The following TCF3 variants were observed in gnomAD, a reference collection of about 807,000 sequenced individuals.
TCF3 encodes the protein transcription factor E2-alpha.
A neutral mutation model predicts 72.3 loss-of-function variants in TCF3; 54 were observed. The observed-to-expected ratio is 0.75, with a 90% confidence interval of 0.60 to 0.94. The LOEUF (loss-of-function observed/expected upper bound fraction) is 0.94. Among genes scored for constraint, TCF3 ranks in the 40% least tolerant of loss-of-function variants. TCF3 has a pLI of 0.00. For missense variants in TCF3, 1,078 were observed against 934.4 expected (o/e 1.15, Z -2.00); for synonymous variants, 525 against 412.6 (o/e 1.27, Z -3.30).
At position 1,610,308 on chromosome 19, in the gene TCF3, G is replaced by A. The variant is rs2060894279; in HGVS notation, c.*1399C>T. On this transcript the variant is annotated 3_prime_UTR_variant, in exon 19 of 19. Transcript: ENST00000262965. Reference sequence around the variant, plus strand: ...TTGCCCTTGGACCACACAGAGGGAGGGCAGCAGGTGTGGCCCCAGGCCCAG... The same window carrying A: ...TTGCCCTTGGACCACACAGAGGGAGAGCAGCAGGTGTGGCCCCAGGCCCAG... The A allele has an allele frequency of 4.3e-6, 1 of 232,082 alleles. No individual in the cohort carries two copies. The highest frequency in any genetic ancestry group is 6.1e-5 in the East Asian group (1 of 16,408). The allele number at this position is 232,082 out of a possible 1,614,324, so 14.4% of individuals were successfully genotyped here.
chr19:1,650,379 CT>C (rs1600213259), intron 1 of TCF3, 92 bp from the exon 2 acceptor site: 10 of 975,532 alleles, frequency 1.0e-5, no homozygotes, highest in Non-Finnish European at 1.5e-5. Context: ...TAAAAGCCAC[CT>C]AAAAAACCCT....
At chr19:1,639,688 G>C (rs1208775556) in intron 3 of TCF3, among the ~76,000 whole-genome samples, 1 of 118,346 alleles carries the variant, frequency 8.4e-6, no homozygotes, top group Non-Finnish European at 1.6e-5. Context: ...TAGAAATCAA[G>C]AAAGGACCTC....
intron 3 of TCF3, among the ~76,000 whole-genome samples, chr19:1,639,292 C>T (rs2064899366): frequency 6.6e-6 from 1 of 152,202 alleles, no homozygotes; most frequent in South Asian, 2.1e-4. Flanking sequence ...GATCCACCTG[C>T]CTTGGCCTCC....
chr19:1,642,189 G>C (rs1040189857), intron 3 of TCF3, among the ~76,000 whole-genome samples: 2 of 140,548 alleles, frequency 1.4e-5, no homozygotes, highest in Non-Finnish European at 3.1e-5. Context: ...CACGCACGCA[G>C]ACACAGACGC....
chr19:1,629,642 T>A (rs1430637695), intron 5 of TCF3, among the ~76,000 whole-genome samples: 2 of 152,138 alleles, frequency 1.3e-5, no homozygotes, highest in Non-Finnish European at 2.9e-5. Flanking sequence ...GATCCAGCCT[T>A]GCCTGAAGCA....
intron 18 of TCF3, 56 bp from the exon 19 acceptor site, chr19:1,611,905 G>A: frequency 9.1e-7 from 1 of 1,103,278 alleles, no homozygotes; most frequent in Admixed American, 2.7e-5. Flanking sequence ...AGAAAGATGT[G>A]AGGTGGGAGT....
chr19:1,616,868 T>C (rs1163016876), intron 16 of TCF3, among the ~76,000 whole-genome samples: 2 of 152,128 alleles, frequency 1.3e-5, no homozygotes, highest in Non-Finnish European at 2.9e-5. Flanking sequence ...AAGAAAAGCA[T>C]TTGCCAAAGA....
chr19:1,610,123 A>G lies in TCF3; in HGVS notation c.*1584T>C, dbSNP rs2060882152. The G allele has an allele frequency of 4.3e-6, 1 of 232,266 alleles. No homozygotes were observed. The highest frequency in any genetic ancestry group is 2.2e-5 in the African/African-American group (1 of 45,252). The allele number at this position is 232,266 out of a possible 1,614,324, so 14.4% of individuals were successfully genotyped here. ...GGAAGAGCTGGTTACCCTCATGGCA[A>G]AAGACCAGAAAAGGAGACCTGGAGA... On this transcript the variant is annotated 3_prime_UTR_variant, in exon 19 of 19. Coordinates refer to ENST00000262965, the MANE Select transcript of TCF3 (RefSeq NM_003200.5).
In TCF3 at chr19:1,622,195, G is replaced by C; in HGVS notation, c.681C>G (p.Leu227=). The change falls in exon 10 of 19, where the codon CTC becomes CTG. Residue 227 remains leucine, a synonymous_variant. Transcript: ENST00000262965. The stretch of plus-strand genomic sequence containing the variant: ...AGCCCGCCTGGCCCGGGGGACTCCA[G>C]AGCTCGGCTGAGGGGTGCAGGCTGC... ...ADGSLHPSAE[L]WSPPGQAGFG... is the part of the protein sequence containing the mutation. 1 of 1,561,138 alleles carries C rather than the reference G, an allele frequency of 6.4e-7. No homozygotes were observed.
chr19:1,643,136 C>T (rs981451123), intron 3 of TCF3, among the ~76,000 whole-genome samples: 3 of 152,122 alleles, frequency 2.0e-5, no homozygotes, highest in East Asian at 1.9e-4. Flanking sequence ...AGAAGGCGTA[C>T]GAAAATTATT....
intron 18 of TCF3, among the ~76,000 whole-genome samples, chr19:1,613,183 G>A (rs372168715): frequency 7.9e-5 from 12 of 152,288 alleles, no homozygotes; most frequent in African/African-American, 2.9e-4. Flanking sequence ...GCGTGAAAAT[G>A]TGCTTCTCTG....
In TCF3 at chr19:1,612,571, G is replaced by C. The variant is rs555713833; in HGVS notation, c.1823-722C>G. 2.4e-5 allele frequency: 19 copies of C among 798,918 alleles called. No individual in the cohort carries two copies. The East Asian group carries it at 4.5e-4, about 19-fold the overall frequency. The allele number at this position is 798,918 out of a possible 1,614,324, so 49.5% of individuals were successfully genotyped here. On this transcript the variant is annotated intron_variant, in intron 18 of 18. Coordinates refer to ENST00000262965, the MANE Select transcript of TCF3 (RefSeq NM_003200.5). Reference sequence around the variant, plus strand: ...CAGTGTGGGTACACGGCTGGTGTTGGTGGGCACAGCAGTGTGGGCAGCAGT... The same window carrying C: ...CAGTGTGGGTACACGGCTGGTGTTGCTGGGCACAGCAGTGTGGGCAGCAGT...
intron 5 of TCF3, among the ~76,000 whole-genome samples, chr19:1,629,564 CGGA>C (rs1216132136): frequency 4.6e-5 from 7 of 151,802 alleles, no homozygotes; most frequent in East Asian, 3.9e-4. Flanking sequence ...GCCTGGGCTA[CGGA>C]GGAGGACAGC....
rs2060989931 is a variant in TCF3, at chr19:1,611,610, G to A, written c.*97C>T. ...CTCGATGCTGACAACAGGTGTGTGA[G>A]GTGTGGATGTGGATGAAGCCCGGGG... On this transcript the variant is annotated 3_prime_UTR_variant, in exon 19 of 19. Coordinates refer to ENST00000262965, the MANE Select transcript of TCF3 (RefSeq NM_003200.5). 3.7e-5 allele frequency: 54 copies of A among 1,476,782 alleles called. No individual in the cohort carries two copies. The highest frequency in any genetic ancestry group is 4.7e-5 in the Non-Finnish European group (52 of 1,096,856). The allele number at this position is 1,476,782 out of a possible 1,614,324, so 91.5% of individuals were successfully genotyped here.
At chr19:1,621,391 CCCTGGGTGGGTGAGTCCCCTTCTGGG>C (rs1206160706) in intron 11 of TCF3, among the ~76,000 whole-genome samples, 200 bp from the exon 12 acceptor site, 26 of 152,334 alleles carry the variant, frequency 1.7e-4, no homozygotes, top group East Asian at 3.9e-4. Flanking sequence ...TGGCAGGGGA[CCCTGGGTGGGTGAGTCCCCTTCTGGG>C]CCTGGGTGGG....
Position 1,611,569 on chromosome 19 carries a change from G to C in TCF3, c.*138C>G, listed in dbSNP as rs1004212642. ...GGCCGCCCCCATCACTCCGAACCTTGTCAGGTTGGTGTTGGCTCGATGCTG... is the reference window on the plus strand; with the variant it reads ...GGCCGCCCCCATCACTCCGAACCTTCTCAGGTTGGTGTTGGCTCGATGCTG... On this transcript the variant is annotated 3_prime_UTR_variant, in exon 19 of 19. Coordinates refer to ENST00000262965, the MANE Select transcript of TCF3 (RefSeq NM_003200.5). The C allele has an allele frequency of 1.6e-6, 2 of 1,257,680 alleles. No individual in the cohort carries two copies. Among genetic ancestry groups the C allele is most frequent in the African/African-American group, 3.0e-5 (2 of 66,204 alleles). 77.9% of individuals were successfully genotyped at this position (1,257,680 alleles called of 1,614,324 possible).
Position 1,619,815 on chromosome 19 carries a change from A to C in TCF3, c.1132T>G (p.Leu378Val), listed in dbSNP as rs771314261. The C allele has an allele frequency of 6.4e-7, 1 of 1,574,302 alleles. No individual in the cohort carries two copies. The highest frequency in any genetic ancestry group is 1.2e-5 in the South Asian group (1 of 85,628). Residue 378 changes from leucine to valine, a missense_variant, in exon 14 of 19, where the codon TTA (leucine) becomes GTA (valine). By Grantham distance (32) the Leu-to-Val change is conservative. Transcript: ENST00000262965. ...AGACCCCCGTCGTAGCTGGGCGATA[A>C]GGCACCGGGGGCTCCTGCTCGAGGC... ...QWPRAGAPGALSPSYDGGLHG... is the reference protein window; with the variant it reads ...QWPRAGAPGAVSPSYDGGLHG...
At chr19:1,619,750 AGGGTG>A in intron 14 of TCF3, 25 bp downstream of exon 14, 4 of 922,200 alleles carry the variant, frequency 4.3e-6, no homozygotes, top group Non-Finnish European at 6.1e-6. Context: ...CTGTCGGGGA[AGGGTG>A]GGGTGGGGCG....
chr19:1,639,146 T>C (rs959343404), intron 3 of TCF3, among the ~76,000 whole-genome samples: 5 of 152,126 alleles, frequency 3.3e-5, no homozygotes, highest in South Asian at 2.1e-4. Context: ...CAGGTTCAAG[T>C]GATTCTCCTG....
Sources: allele counts gnomAD v4.1 joint callset (sites outside exome capture counted in the v4.1 genomes callset), GRCh38; gene constraint gnomAD v4.1.1; transcripts MANE v1.5; gene names NCBI Gene and HGNC (gene_info 2026-07-23, HGNC 2026-07-21).